Variants in PTGER4 observed in about 807,000 individuals in gnomAD.
PTGER4 encodes the protein prostaglandin E receptor 4.
In PTGER4, 11 loss-of-function variants were observed where a neutral mutation model predicts 33.2. The ratio of observed to expected loss-of-function variants is 0.33; its 90% CI spans 0.21 to 0.55. PTGER4 has a LOEUF of 0.55. Ranked by LOEUF, PTGER4 falls within the 20% of genes least tolerant of loss-of-function variation. PTGER4 has a pLI of 0.92. For missense variants in PTGER4, 481 were observed against 650.2 expected (o/e 0.74, Z 2.83); for synonymous variants, 275 against 281.5 (o/e 0.98, Z 0.23).
At position 40,693,380 on chromosome 5, in the gene PTGER4, G is replaced by C; in HGVS notation, c.*1002G>C. ...AGTGTGTGTAGTTTTACTTTCCTAA[G>C]GAATTACCAAGAATATCCTTTAAAA... On this transcript the variant is annotated 3_prime_UTR_variant, in exon 3 of 3. Coordinates refer to ENST00000302472, the MANE Select transcript of PTGER4 (RefSeq NM_000958.3). 1.5e-5 allele frequency: 15 copies of C among 984,638 alleles called. No individual in the cohort carries two copies. The highest frequency in any genetic ancestry group is 1.4e-5 in the Non-Finnish European group (12 of 828,914). 61.0% of individuals were successfully genotyped at this position (984,638 alleles called of 1,614,324 possible).
At chr5:40,709,758 G>C in the PTGER4 span, among the ~76,000 whole-genome samples, 1 of 152,198 alleles carries the variant, frequency 6.6e-6, no homozygotes, top group African/African-American at 2.4e-5. Flanking sequence ...AAAGCTGGAG[G>C]CATCATGCTA....
At chr5:40,740,947 C>T in the PTGER4 span, among the ~76,000 whole-genome samples, 1 of 151,924 alleles carries the variant, frequency 6.6e-6, no homozygotes, top group Non-Finnish European at 1.5e-5. Context: ...TTTAATATAT[C>T]TTCCATTTCA....
Position 40,681,509 on chromosome 5 carries a change from C to T in PTGER4, c.516C>T (p.Ile172=), listed in dbSNP as rs1245421629. The T allele has an allele frequency of 1.9e-6, 3 of 1,613,200 alleles. No homozygotes were observed. The highest frequency in any genetic ancestry group is 4.5e-5 in the East Asian group (2 of 44,896). Residue 172 remains isoleucine (I), a synonymous_variant, in exon 2 of 3, where the codon ATC becomes ATT. Transcript: ENST00000302472. The surrounding 1 kb of genome is among the most constrained non-coding windows in gnomAD (Gnocchi z 9.8). Reference sequence around the variant, plus strand: ...AGTACCCAGACACCTGGTGCTTCATCGACTGGACCACCAACGTGACGGCGC... The same window carrying T: ...AGTACCCAGACACCTGGTGCTTCATTGACTGGACCACCAACGTGACGGCGC... ...RLQYPDTWCF[I]DWTTNVTAHA... is the part of the protein sequence containing the mutation.
downstream of PTGER4, among the ~76,000 whole-genome samples, chr5:40,697,234 G>GAGAAAGAAAGA (rs1554024599): frequency 2.7e-5 from 2 of 73,576 alleles, no homozygotes; most frequent in Non-Finnish European, 6.6e-5. Context: ...AGAAAAGAAA[G>GAGAAAGAAAGA]AAAGAAAGAA....
At chr5:40,718,367 C>T in the PTGER4 span, among the ~76,000 whole-genome samples, 753 of 152,072 alleles carry the variant, frequency 5.0e-3, 5 homozygotes, top group African/African-American at 0.017. Flanking sequence ...GATGGTGCCA[C>T]TGCACTCCAG....
At chr5:40,743,685 G>C in the PTGER4 span, among the ~76,000 whole-genome samples, 1 of 152,058 alleles carries the variant, frequency 6.6e-6, no homozygotes, top group African/African-American at 2.4e-5. Flanking sequence ...AGGCAGGGAG[G>C]ATTGCTTAAA....
chr5:40,709,165 G>T, the PTGER4 span, among the ~76,000 whole-genome samples: 2 of 152,144 alleles, frequency 1.3e-5, no homozygotes, highest in African/African-American at 2.4e-5. Context: ...TCAACATAGC[G>T]TTGGAAGTTC....
the PTGER4 span, among the ~76,000 whole-genome samples, chr5:40,722,486 G>C: frequency 6.7e-6 from 1 of 148,772 alleles, no homozygotes; most frequent in African/African-American, 2.5e-5. Context: ...GCGGCCCATC[G>C]TCTGGGATGT....
At chr5:40,710,934 G>A in the PTGER4 span, among the ~76,000 whole-genome samples, 1 of 152,076 alleles carries the variant, frequency 6.6e-6, no homozygotes, top group Admixed American at 6.6e-5. Flanking sequence ...TTGTGTGGTG[G>A]GGGGAAAGGG....
At chr5:40,712,139 C>T in the PTGER4 span, among the ~76,000 whole-genome samples, 1 of 152,122 alleles carries the variant, frequency 6.6e-6, no homozygotes, top group South Asian at 2.1e-4. Context: ...TTCTTCCCTT[C>T]CAATTCAATC....
In PTGER4 at chr5:40,693,470, G is replaced by A; in HGVS notation, c.*1092G>A. 1 of 985,874 alleles carries A rather than the reference G, an allele frequency of 1.0e-6. No homozygotes were observed. The highest frequency in any genetic ancestry group is 1.2e-6 in the Non-Finnish European group (1 of 829,902). The allele number at this position is 985,874 out of a possible 1,614,324, so 61.1% of individuals were successfully genotyped here. ...GAGATGTAAAAAGATTCCCAAACGTGGTTACATTAGCCATTCATGTATGTC... is the reference window on the plus strand; with the variant it reads ...GAGATGTAAAAAGATTCCCAAACGTAGTTACATTAGCCATTCATGTATGTC... On this transcript the variant is annotated 3_prime_UTR_variant, in exon 3 of 3. Transcript: ENST00000302472.
At chr5:40,728,682 C>T in the PTGER4 span, among the ~76,000 whole-genome samples, 2 of 151,980 alleles carry the variant, frequency 1.3e-5, no homozygotes, top group Admixed American at 1.3e-4. Flanking sequence ...TAAACGATTC[C>T]CTTTCCAGTT....
At chr5:40,722,199 T>C in the PTGER4 span, among the ~76,000 whole-genome samples, 1 of 151,898 alleles carries the variant, frequency 6.6e-6, no homozygotes, top group African/African-American at 2.4e-5. Context: ...AGGGAGACTC[T>C]GTCTCAACTC....
At chr5:40,712,622 G>A in the PTGER4 span, among the ~76,000 whole-genome samples, 4 of 152,170 alleles carry the variant, frequency 2.6e-5, no homozygotes, top group Non-Finnish European at 4.4e-5. Context: ...TCACTGCAAG[G>A]TTCACAATGT....
the PTGER4 span, among the ~76,000 whole-genome samples, chr5:40,727,506 C>T: frequency 5.9e-5 from 9 of 152,188 alleles, no homozygotes; most frequent in African/African-American, 1.2e-4. Flanking sequence ...TACCAGTTTA[C>T]GGTAAACATT....
Position 40,693,558 on chromosome 5 carries a change from T to C in PTGER4, c.*1180T>C. The C allele has an allele frequency of 3.0e-6, 3 of 985,936 alleles. No individual in the cohort carries two copies. In the African/African-American group the frequency reaches 5.2e-5, roughly 17 times the overall value. 61.1% of individuals were successfully genotyped at this position (985,936 alleles called of 1,614,324 possible). On this transcript the variant is annotated 3_prime_UTR_variant, in exon 3 of 3. Coordinates refer to ENST00000302472, the MANE Select transcript of PTGER4 (RefSeq NM_000958.3). ...AACAGTTTTGTGTAACTCCCAGTGA[T>C]GCTGTACACATATTTGAAGGGTCTT...
rs1414064466 is a variant in PTGER4 at position 40,681,876 on chromosome 5, T to C, written c.867+16T>C. Reference sequence around the variant, plus strand: ...CCCGCTCGTGGTGAGTGACCGGGGCTGGGGCCCTACTCGGCCTTTTTCTCG... The same window carrying C: ...CCCGCTCGTGGTGAGTGACCGGGGCCGGGGCCCTACTCGGCCTTTTTCTCG... On this transcript the variant is annotated intron_variant, in intron 2 of 2. Coordinates refer to ENST00000302472, the MANE Select transcript of PTGER4 (RefSeq NM_000958.3). This position sits in a 1 kb window ranked among gnomAD's most constrained non-coding sequence, Gnocchi z 9.8. 2.3e-5 allele frequency: 35 copies of C among 1,491,542 alleles called. No individual in the cohort carries two copies. The highest frequency in any genetic ancestry group is 2.7e-5 in the Non-Finnish European group (30 of 1,125,470). The allele number at this position is 1,491,542 out of a possible 1,614,324, so 92.4% of individuals were successfully genotyped here. A position where few individuals can be genotyped will look rare whatever the true frequency, so the allele number is the denominator to read the frequency against.
the PTGER4 span, among the ~76,000 whole-genome samples, chr5:40,734,400 G>T: frequency 2.6e-5 from 4 of 152,176 alleles, no homozygotes; most frequent in South Asian, 8.3e-4. Flanking sequence ...AGTCACTGTG[G>T]TTAATAAATG....
intron 2 of PTGER4, among the ~76,000 whole-genome samples, chr5:40,682,548 T>C (rs954635827): frequency 1.3e-5 from 2 of 152,190 alleles, no homozygotes; most frequent in African/African-American, 4.8e-5. Flanking sequence ...CAAATTCTAA[T>C]TCATATACAG....
Sources: allele counts gnomAD v4.1 joint callset (sites outside exome capture counted in the v4.1 genomes callset), GRCh38; gene constraint gnomAD v4.1.1; non-coding constraint Gnocchi (gnomAD v3.1); transcripts MANE v1.5; gene names NCBI Gene and HGNC (gene_info 2026-07-23, HGNC 2026-07-21).